EP400: variants seen among roughly 807,000 people sequenced by gnomAD.
The protein encoded by EP400 is E1A-binding protein p400.
Under a neutral mutation model 354.1 loss-of-function variants are expected in EP400, and 105 were observed. The observed-to-expected ratio is 0.30, with a 90% CI of 0.25 to 0.35. The LOEUF (loss-of-function observed/expected upper bound fraction) is 0.35, where lower values mean the gene tolerates loss of function less well. EP400 is among the 10% of genes least tolerant of loss of function. The pLI is 1.00. For synonymous variants in EP400, 1,646 were observed against 1,716.9 expected (o/e 0.96, Z 1.02); for missense variants, 3,280 against 4,121.0 (o/e 0.80, Z 5.59).
At position 131,990,726 on chromosome 12, in the gene EP400, T is replaced by C; in HGVS notation, c.2629+12T>C. 6.3e-7 allele frequency: 1 copy of C among 1,589,020 alleles called. No homozygotes were observed. On this transcript the variant is annotated intron_variant, in intron 9 of 52. Transcript: ENST00000389561. This position sits in a 1 kb window ranked among gnomAD's most constrained non-coding sequence, Gnocchi z 4.2. ...AGTTTCCAGGAGAGGTAGGACCCTT[T>C]AAAAAAAGGCTCACCACGCTTGGGT...
At chr12:131,963,455 A>G (rs776300423) in intron 2 of EP400, 2 of 1,044,800 alleles carry the variant, frequency 1.9e-6, no homozygotes, top group Non-Finnish European at 2.9e-6. Context: ...GTGAGCTATC[A>G]GCAATAAAAT....
intron 5 of EP400, among the ~76,000 whole-genome samples, chr12:131,985,826 T>C (rs1687431251): frequency 6.6e-6 from 1 of 152,210 alleles, no homozygotes; most frequent in African/African-American, 2.4e-5. Context: ...CAGGCTGGTC[T>C]TGAACTCCTG....
chr12:132,064,918 G>A (rs770764904), intron 48 of EP400, 32 bp downstream of exon 48: 5 of 1,567,868 alleles, frequency 3.2e-6, no homozygotes, highest in Non-Finnish European at 4.3e-6. Context: ...TTTTCCAAAA[G>A]CAGCATCTTT....
chr12:132,015,489 A>G (rs1441383943), intron 19 of EP400, among the ~76,000 whole-genome samples: 5 of 152,324 alleles, frequency 3.3e-5, no homozygotes, highest in Non-Finnish European at 7.3e-5. Context: ...CACGTTGACC[A>G]CGCCCTGCGT....
intron 7 of EP400, among the ~76,000 whole-genome samples, chr12:131,989,452 A>G (rs1160877814): frequency 1.3e-5 from 2 of 152,254 alleles, no homozygotes; most frequent in African/African-American, 4.8e-5. Context: ...TTGTGCTCTC[A>G]GGGCTCCAAA....
At chr12:131,963,759 A>T (rs1891980662) in intron 2 of EP400, 1 of 709,616 alleles carries the variant, frequency 1.4e-6, no homozygotes, top group East Asian at 2.8e-5. Context: ...CCCATTTCTT[A>T]TTTTTCAACA....
chr12:131,984,432 G>C (rs900669217), intron 5 of EP400, among the ~76,000 whole-genome samples: 1 of 152,038 alleles, frequency 6.6e-6, no homozygotes, highest in Non-Finnish European at 1.5e-5. Context: ...GCCAGCAACT[G>C]GGGGGGCTGT....
intron 15 of EP400, among the ~76,000 whole-genome samples, chr12:132,007,948 G>C (rs534095641): frequency 6.8e-5 from 1 of 14,662 alleles, no homozygotes; most frequent in African/African-American, 5.1e-4. Context: ...CCTCCAGCGA[G>C]GGTTCTTTTT....
intron 15 of EP400, among the ~76,000 whole-genome samples, chr12:132,010,179 C>T (rs1207046099): frequency 2.6e-5 from 4 of 151,360 alleles, no homozygotes; most frequent in Non-Finnish European, 5.9e-5. Context: ...CCTCTGCCTC[C>T]GGGTTCAAGT....
At chr12:131,953,255 AAAAT>A (rs1489274330) in intron 1 of EP400, among the ~76,000 whole-genome samples, 1 of 152,212 alleles carries the variant, frequency 6.6e-6, no homozygotes, top group African/African-American at 2.4e-5. Flanking sequence ...GGGCCGTGGA[AAAAT>A]AAAGATCAAG....
intron 2 of EP400, among the ~76,000 whole-genome samples, chr12:131,977,828 C>T (rs1054859874): frequency 9.9e-5 from 15 of 152,120 alleles, no homozygotes; most frequent in African/African-American, 2.9e-4. Context: ...AGCCTTTCCC[C>T]GTGTGAGTAC....
In EP400 at chr12:132,027,562, C is replaced by T. The variant is rs550964241; in HGVS notation, c.5109+31C>T. On this transcript the variant is annotated intron_variant, in intron 26 of 52. Transcript: ENST00000389561. The surrounding 1 kb of genome is among the most constrained non-coding windows in gnomAD (Gnocchi z 4.9). ...CACCTGAGCTTGAGACCCCGGTGCA[C>T]GTGGACAGGTAGCTTTCCAAGAGCT... The T allele has an allele frequency of 1.4e-5, 22 of 1,560,246 alleles. No homozygotes were observed. Among genetic ancestry groups the T allele is most frequent in the Admixed American group, 3.7e-5 (2 of 54,432 alleles).
At chr12:131,958,564 C>CT (rs1235252661) in intron 1 of EP400, among the ~76,000 whole-genome samples, 1 of 152,126 alleles carries the variant, frequency 6.6e-6, no homozygotes, top group African/African-American at 2.4e-5. Flanking sequence ...TTTGTAACTT[C>CT]TTTTTTTGGA....
chr12:131,976,265 TTTTTGTTTGTATTTTGGAGTAA>T (rs959261827), intron 2 of EP400, among the ~76,000 whole-genome samples: 7 of 152,170 alleles, frequency 4.6e-5, no homozygotes, highest in Admixed American at 6.5e-5. Flanking sequence ...TGGCTCGTGT[TTTTTGTTTGTATTTTGGAGTAA>T]TTTTGTTTGT....
intron 5 of EP400, among the ~76,000 whole-genome samples, chr12:131,984,104 G>A (rs370225932): frequency 6.6e-6 from 1 of 152,202 alleles, no homozygotes; most frequent in Non-Finnish European, 1.5e-5. Flanking sequence ...TTCTCCATGG[G>A]TTAGGCTGGT....
chr12:132,070,179 C>G lies in EP400; in HGVS notation c.9021+538C>G, dbSNP rs1401706264. The stretch of plus-strand genomic sequence containing the variant: ...AGTGGTACCTTCTTAGCTGGTCTTC[C>G]ACCCTCCTGGAGTTGGTTTTTGGGT... On this transcript the variant is annotated intron_variant, in intron 51 of 52. Coordinates refer to ENST00000389561, the MANE Select transcript of EP400 (RefSeq NM_015409.5). The surrounding 1 kb of genome is among the most constrained non-coding windows in gnomAD (Gnocchi z 4.1). 6.6e-6 allele frequency among the ~76,000 whole-genome samples: 1 copy of G among 152,106 alleles called. No individual in the cohort carries two copies.
chr12:132,061,806 G>C (rs1157676836), intron 45 of EP400, among the ~76,000 whole-genome samples: 1 of 152,250 alleles, frequency 6.6e-6, no homozygotes, highest in African/African-American at 2.4e-5. Flanking sequence ...TACGTTCCTG[G>C]GGACCAAGAG....
intron 45 of EP400, among the ~76,000 whole-genome samples, chr12:132,059,460 T>G (rs1895616150): frequency 6.6e-6 from 1 of 152,032 alleles, no homozygotes; most frequent in African/African-American, 2.4e-5. Flanking sequence ...TCACATCAAG[T>G]GAAGTCTACC....
chr12:132,061,368 G>A (rs1044193543), intron 45 of EP400, among the ~76,000 whole-genome samples: 3 of 152,220 alleles, frequency 2.0e-5, no homozygotes, highest in Non-Finnish European at 4.4e-5. Context: ...GGAAAACATG[G>A]AGTAACACGC....
Sources: allele counts gnomAD v4.1 joint callset (sites outside exome capture counted in the v4.1 genomes callset), GRCh38; gene constraint gnomAD v4.1.1; non-coding constraint Gnocchi (gnomAD v3.1); transcripts MANE v1.5; gene names NCBI Gene and HGNC (gene_info 2026-07-23, HGNC 2026-07-21).